Variants in RGS7 observed in about 807,000 individuals in gnomAD.
RGS7 encodes the protein regulator of G protein signaling 7.
RGS7 carries 27 observed loss-of-function variants against 81.1 expected under a neutral mutation model. The observed-to-expected ratio is 0.33, with a 90% CI of 0.25 to 0.46. The LOEUF (loss-of-function observed/expected upper bound fraction) is 0.46. Ranked by LOEUF, RGS7 falls within the 20% of genes least tolerant of loss-of-function variation. The probability of loss-of-function intolerance (pLI) is 1.00; values close to 1 mark genes in which losing one functional copy is unlikely to be tolerated. For missense variants in RGS7, 396 were observed against 607.4 expected (o/e 0.65, Z 3.66); for synonymous variants, 208 against 207.7 (o/e 1.00, Z -0.01).
chr1:241,233,799 AGTT>A (rs1325894565), intron 2 of RGS7, among the ~76,000 whole-genome samples: 10 of 94,994 alleles, frequency 1.1e-4, no homozygotes, highest in Non-Finnish European at 2.0e-4. Context: ...TTTTTAGTTT[AGTT>A]TTTTTTTTTT....
chr1:241,027,557 C>T (rs1228642696), intron 3 of RGS7, among the ~76,000 whole-genome samples: 2 of 152,216 alleles, frequency 1.3e-5, no homozygotes, highest in African/African-American at 2.4e-5. Flanking sequence ...GGGAAAGATG[C>T]TGGTGGCTTA....
chr1:241,224,743 C>T lies in RGS7; in HGVS notation c.79-125981G>A, dbSNP rs557000482. The stretch of plus-strand genomic sequence containing the variant: ...AGGCCCATGTCTGTCCCCTTTAGCT[C>T]CTCCCATAGTCAATCATTGTGTTGA... On this transcript the variant is annotated intron_variant, in intron 2 of 18. Coordinates refer to ENST00000440928, the MANE Select transcript of RGS7 (RefSeq NM_001364886.1). Among the ~76,000 whole-genome samples, 3 of 152,246 alleles carry T rather than the reference C, an allele frequency of 2.0e-5. No individual in the cohort carries two copies. The South Asian group carries it at 6.2e-4, about 32-fold the overall frequency.
intron 3 of RGS7, among the ~76,000 whole-genome samples, chr1:241,052,698 C>A (rs1315739851): frequency 7.2e-6 from 1 of 139,410 alleles, no homozygotes; most frequent in East Asian, 1.9e-4. Context: ...TAATTCTTAA[C>A]AATTCCCCCC....
intron 2 of RGS7, among the ~76,000 whole-genome samples, chr1:241,273,464 G>T (rs1033251996): frequency 6.6e-6 from 1 of 151,820 alleles, no homozygotes; most frequent in Non-Finnish European, 1.5e-5. Flanking sequence ...GGGAGATGGA[G>T]TTCTCAGGGA....
intron 2 of RGS7, among the ~76,000 whole-genome samples, chr1:241,239,094 G>A (rs1266720849): frequency 6.6e-6 from 1 of 150,926 alleles, no homozygotes; most frequent in Non-Finnish European, 1.5e-5. Flanking sequence ...TCAGCCTTCT[G>A]AGCAGCTGGG....
chr1:241,223,497 C>A (rs1314539805), intron 2 of RGS7, among the ~76,000 whole-genome samples: 7 of 151,852 alleles, frequency 4.6e-5, no homozygotes, highest in Non-Finnish European at 1.0e-4. Flanking sequence ...CAGAGAGGAG[C>A]AAGTAGGTTG....
At chr1:241,228,366 G>A (rs969260579) in intron 2 of RGS7, among the ~76,000 whole-genome samples, 4 of 151,924 alleles carry the variant, frequency 2.6e-5, no homozygotes, top group Non-Finnish European at 2.9e-5. Context: ...GAAACGGTAC[G>A]CACAACAAAA....
At chr1:240,866,513 A>G (rs1041469667) in intron 9 of RGS7, among the ~76,000 whole-genome samples, 1 of 150,738 alleles carries the variant, frequency 6.6e-6, no homozygotes, top group Non-Finnish European at 1.5e-5. Context: ...TCCGTCTCAA[A>G]AAAAAAAAAA....
chr1:240,859,919 TA>T (rs1233108157), intron 9 of RGS7, among the ~76,000 whole-genome samples: 1 of 152,224 alleles, frequency 6.6e-6, no homozygotes, highest in Non-Finnish European at 1.5e-5. Context: ...TATTTTAAGC[TA>T]GTTTGAAATA....
chr1:241,147,625 A>G (rs1157151733), intron 2 of RGS7, among the ~76,000 whole-genome samples: 1 of 151,666 alleles, frequency 6.6e-6, no homozygotes, highest in Non-Finnish European at 1.5e-5. Context: ...AATCATGCCA[A>G]AAGTACCAGG....
intron 18 of RGS7, among the ~76,000 whole-genome samples, chr1:240,798,858 C>T (rs1180369442): frequency 6.6e-6 from 1 of 152,120 alleles, no homozygotes; most frequent in African/African-American, 2.4e-5. Flanking sequence ...ATACTGTTGA[C>T]CTTGTAGCCT....
intron 3 of RGS7, among the ~76,000 whole-genome samples, chr1:241,015,933 A>G (rs762956081): frequency 8.5e-5 from 13 of 152,322 alleles, no homozygotes; most frequent in South Asian, 2.1e-4. Context: ...GCAGAACTGC[A>G]CTACATTAAG....
At chr1:241,273,290 A>G (rs998901035) in intron 2 of RGS7, among the ~76,000 whole-genome samples, 18 of 151,238 alleles carry the variant, frequency 1.2e-4, no homozygotes, top group African/African-American at 4.4e-4. Flanking sequence ...ACCACTAACT[A>G]TAAGTTTGAA....
chr1:241,051,119 G>A (rs1194243494), intron 3 of RGS7, among the ~76,000 whole-genome samples: 1 of 152,138 alleles, frequency 6.6e-6, no homozygotes, highest in African/African-American at 2.4e-5. Context: ...TATATTTCCA[G>A]AGGCCAGGTG....
intron 2 of RGS7, among the ~76,000 whole-genome samples, chr1:241,113,827 C>T (rs1376312926): frequency 2.0e-5 from 3 of 152,136 alleles, no homozygotes; most frequent in South Asian, 2.1e-4. Context: ...TCTGAGATGA[C>T]GCTATTTCTA....
intron 2 of RGS7, among the ~76,000 whole-genome samples, chr1:241,288,419 G>A (rs2078930101): frequency 6.6e-6 from 1 of 152,174 alleles, no homozygotes; most frequent in African/African-American, 2.4e-5. Flanking sequence ...TGGAGACCAA[G>A]TATGCCTGTT....
intron 6 of RGS7, among the ~76,000 whole-genome samples, chr1:240,883,520 G>A (rs1207268813): frequency 6.6e-6 from 1 of 151,972 alleles, no homozygotes; most frequent in Non-Finnish European, 1.5e-5. Context: ...ATTATTTGCT[G>A]ATTCCCTGCC....
rs566319122 is a variant in RGS7, at chr1:240,961,092, G to C, written c.226+21987C>G. Among the ~76,000 whole-genome samples the C allele has an allele frequency of 1.1e-3, 167 of 152,050 alleles. 1 individual carries two copies. The highest frequency in any genetic ancestry group is 3.8e-3 in the African/African-American group (159 of 41,466). On this transcript the variant is annotated intron_variant, in intron 4 of 18. Transcript: ENST00000440928. ...GACAGCTAATTATTTGGATCATTTA[G>C]TTATTGATTAAAATGGTAAAAGTAA... is the stretch of plus-strand genomic sequence containing the variant.
intron 9 of RGS7, among the ~76,000 whole-genome samples, chr1:240,846,852 AG>A (rs1659180364): frequency 6.6e-6 from 1 of 152,144 alleles, no homozygotes; most frequent in Non-Finnish European, 1.5e-5. Flanking sequence ...GCATGTGGCC[AG>A]GAACTGAAGC....
Sources: allele counts gnomAD v4.1 joint callset (sites outside exome capture counted in the v4.1 genomes callset), GRCh38; gene constraint gnomAD v4.1.1; transcripts MANE v1.5; gene names NCBI Gene and HGNC (gene_info 2026-07-23, HGNC 2026-07-21).